Variants in CD248 observed in about 807,000 individuals in gnomAD.
CD248 encodes the protein CD248 molecule.
CD248 carries 7 observed loss-of-function variants against 8.0 expected under a neutral mutation model. That is an observed-to-expected ratio of 0.88 (90% CI 0.50 to 1.64). The LOEUF is 1.64. Among genes scored for constraint, CD248 ranks in the 40% most tolerant of loss-of-function variants. The pLI is 0.00. For missense variants in CD248, 912 were observed against 1,027.2 expected (o/e 0.89, Z 1.53); for synonymous variants, 418 against 437.1 (o/e 0.96, Z 0.54).
In CD248 at chr11:66,316,297, T is replaced by G; in HGVS notation, c.731A>C (p.His244Pro). The G allele has an allele frequency of 6.2e-7, 1 of 1,613,130 alleles. No homozygotes were observed. The highest frequency in any genetic ancestry group is 8.5e-7 in the Non-Finnish European group (1 of 1,179,758). The change falls in exon 1 of 1, where the codon CAC (histidine) becomes CCC (proline). Residue 244 changes from histidine to proline, a missense_variant. Around this residue, in one of 3 missense-constraint regions of CD248, gnomAD observed 403 missense variants for 446.2 expected, o/e 0.90. Transcript: ENST00000311330. ...GCSPDNGGCEHECVEEVDGHV... is the reference protein window; with the variant it reads ...GCSPDNGGCEPECVEEVDGHV... ...ACCATCCACCTCCTCCACACATTCG[T>G]GTTCGCAGCCCCCGTTGTCAGGGCT...
In CD248 at chr11:66,314,851, T is replaced by A; in HGVS notation, c.2177A>T (p.Tyr726Phe). Residue 726 changes from tyrosine to phenylalanine, a missense_variant, in exon 1 of 1, where the codon TAT becomes TTT. Physicochemically the swap from Tyr to Phe is conservative, Grantham distance 22 (BLOSUM62 3). Coordinates refer to ENST00000311330, the MANE Select transcript of CD248 (RefSeq NM_020404.3). This position sits in a 1 kb window ranked among gnomAD's most constrained non-coding sequence, Gnocchi z 4.0. ...GCTCCCAGCATGGATGACCCAGCGA[T>A]AGCAGTCAGTGATGCGCTTGTTGGG... ...HAPNKRITDC[Y>F]RWVIHAGSKS... The A allele has an allele frequency of 6.3e-7, 1 of 1,598,322 alleles. No homozygotes were observed. The highest frequency in any genetic ancestry group is 8.5e-7 in the Non-Finnish European group (1 of 1,173,234).
Position 66,316,994 on chromosome 11 carries a change from C to G in CD248, c.34G>C (p.Ala12Pro). Residue 12 changes from alanine (A) to proline (P), a missense_variant, in exon 1 of 1, where the codon GCA becomes CCA. By Grantham distance (27) the Ala-to-Pro change is conservative. Transcript: ENST00000311330. ...LLRLLLAWAA[A>P]GPTLGQDPWA... ...GGGTCCTGGCCCAGTGTGGGCCCTG[C>G]GGCCGCCCAGGCCAGCAACAGGCGC... The G allele has an allele frequency of 6.7e-7, 1 of 1,486,822 alleles. No individual in the cohort carries two copies. Among genetic ancestry groups the G allele is most frequent in the Admixed American group, 2.4e-5 (1 of 40,868 alleles). The allele number at this position is 1,486,822 out of a possible 1,614,324, so 92.1% of individuals were successfully genotyped here. A position where few individuals can be genotyped will look rare whatever the true frequency, so the allele number is the denominator to read the frequency against.
In CD248 at chr11:66,315,711, G is replaced by C; in HGVS notation, c.1317C>G (p.Pro439=). The change falls in exon 1 of 1, where the codon CCC becomes CCG. Residue 439 remains proline (P), a synonymous_variant. Coordinates refer to ENST00000311330, the MANE Select transcript of CD248 (RefSeq NM_020404.3). This position sits in a 1 kb window ranked among gnomAD's most constrained non-coding sequence, Gnocchi z 4.3. ...TGACGGAGAGCACTGAGGAGTGGTA[G>C]GGGACCCTGGGGGCACTGAGCGGGG... The part of the protein sequence containing the change: ...WPPPLSAPRV[P]YHSSVLSVTR... 5.0e-6 allele frequency: 8 copies of C among 1,611,778 alleles called. No homozygotes were observed. The highest frequency in any genetic ancestry group is 6.8e-6 in the Non-Finnish European group (8 of 1,178,456).
chr11:66,314,742 G>A lies in CD248; in HGVS notation c.*12C>T, dbSNP rs79764462. On this transcript the variant is annotated 3_prime_UTR_variant, in exon 1 of 1. Transcript: ENST00000311330. This position sits in a 1 kb window ranked among gnomAD's most constrained non-coding sequence, Gnocchi z 4.0. ...CAGCGCCCCATACTCCATGAGGGGG[G>A]TCTGCACCCCATCACACGCTGGTTC... 7,869 of 1,544,614 alleles carry A rather than the reference G, an allele frequency of 5.1e-3. 330 individuals are homozygous for A. The African/African-American group carries it at 0.095, about 19-fold the overall frequency.
rs1394277608 is a variant in CD248 at position 66,315,258 on chromosome 11, G to T, written c.1770C>A (p.Pro590=). The change falls in exon 1 of 1, where the codon CCC becomes CCA. Residue 590 remains proline (P), a synonymous_variant. Transcript: ENST00000311330. The surrounding 1 kb of genome is among the most constrained non-coding windows in gnomAD (Gnocchi z 4.3). ...GGGACCTGGAGGTGGTGGTCAGAGA[G>T]GGCTGGGCAGTTGGGATAATGGGAA... ...TQLPIIPTAQ[P]SLTTTSRSPV... 1 of 1,536,940 alleles carries T rather than the reference G, an allele frequency of 6.5e-7. No homozygotes were observed. The highest frequency in any genetic ancestry group is 8.8e-7 in the Non-Finnish European group (1 of 1,142,560).
rs1485742261 is a variant in CD248 at position 66,315,715 on chromosome 11, A to G, written c.1313T>C (p.Val438Ala). Residue 438 changes from valine to alanine, a missense_variant, in exon 1 of 1, where the codon GTC (valine) becomes GCC (alanine). Physicochemically the swap from Val to Ala is moderately conservative, Grantham distance 64. Transcript: ENST00000311330. This position sits in a 1 kb window ranked among gnomAD's most constrained non-coding sequence, Gnocchi z 4.3. Reference sequence around the variant, plus strand: ...GGAGAGCACTGAGGAGTGGTAGGGGACCCTGGGGGCACTGAGCGGGGGTGG... The same window carrying G: ...GGAGAGCACTGAGGAGTGGTAGGGGGCCCTGGGGGCACTGAGCGGGGGTGG... The part of the protein sequence containing the change: ...TWPPPLSAPR[V>A]PYHSSVLSVT... The G allele has an allele frequency of 1.9e-6, 3 of 1,610,924 alleles. No individual in the cohort carries two copies. Among genetic ancestry groups the G allele is most frequent in the Non-Finnish European group, 2.5e-6 (3 of 1,178,188 alleles).
chr11:66,315,235 G>A lies in CD248; in HGVS notation c.1793C>T (p.Ser598Phe). ...GATTTGATGGGCAGGAGACACAGGG[G>A]ACCTGGAGGTGGTGGTCAGAGAGGG... ...AQPSLTTTSR[S>F]PVSPAHQISV... The change falls in exon 1 of 1, where the codon TCC becomes TTC. Residue 598 changes from serine (S) to phenylalanine (F), a missense_variant. Physicochemically the swap from Ser to Phe is radical, Grantham distance 155. Around this residue, in one of 3 missense-constraint regions of CD248, gnomAD observed 507 missense variants for 562.2 expected, o/e 0.90. Transcript: ENST00000311330. The surrounding 1 kb of genome is among the most constrained non-coding windows in gnomAD (Gnocchi z 4.3). 1 of 1,529,808 alleles carries A rather than the reference G, an allele frequency of 6.5e-7. No individual in the cohort carries two copies. Among genetic ancestry groups the A allele is most frequent in the African/African-American group, 1.4e-5 (1 of 72,136 alleles). 94.8% of individuals were successfully genotyped at this position (1,529,808 alleles called of 1,614,324 possible).
In CD248 at chr11:66,314,730, T is replaced by C. The variant is rs1413253317; in HGVS notation, c.*24A>G. ...CGGCCATGTGTCCAGCGCCCCATAC[T>C]CCATGAGGGGGGTCTGCACCCCATC... On this transcript the variant is annotated 3_prime_UTR_variant, in exon 1 of 1. Coordinates refer to ENST00000311330, the MANE Select transcript of CD248 (RefSeq NM_020404.3). The surrounding 1 kb of genome is among the most constrained non-coding windows in gnomAD (Gnocchi z 4.0). The C allele has an allele frequency of 1.5e-5, 23 of 1,534,690 alleles. No homozygotes were observed. The highest frequency in any genetic ancestry group is 1.9e-5 in the Non-Finnish European group (22 of 1,136,828).
Position 66,316,660 on chromosome 11 carries a change from C to A in CD248, c.368G>T (p.Gly123Val), listed in dbSNP as rs1296306817. The change falls in exon 1 of 1, where the codon GGA becomes GTA. Residue 123 changes from glycine (G) to valine (V), a missense_variant. By Grantham distance (109) the Gly-to-Val change is moderately radical. Coordinates refer to ENST00000311330, the MANE Select transcript of CD248 (RefSeq NM_020404.3). ...ACAGCGCTGGGCCGGGCAGGGGCCT[C>A]CAGAGGCTGGCTGGGCCCAGTTGGT... The part of the protein sequence containing the change: ...AFTNWAQPAS[G>V]GPCPAQRCVA... The A allele has an allele frequency of 6.2e-7, 1 of 1,606,262 alleles. No individual in the cohort carries two copies. The highest frequency in any genetic ancestry group is 1.7e-5 in the Admixed American group (1 of 59,982).
chr11:66,316,266 C>T lies in CD248; in HGVS notation c.762G>A (p.Val254=). ...GGAAGCCCTCAGTGCAGCGGCAGGA[C>T]ACGTGACCATCCACCTCCTCCACAC... ...HECVEEVDGH[V]SCRCTEGFRL... The change falls in exon 1 of 1, where the codon GTG becomes GTA. Residue 254 remains valine, a synonymous_variant. Transcript: ENST00000311330. The T allele has an allele frequency of 6.2e-7, 1 of 1,613,542 alleles. No homozygotes were observed. Among genetic ancestry groups the T allele is most frequent in the African/African-American group, 1.3e-5 (1 of 75,048 alleles).
rs1359954574 is a variant in CD248, at chr11:66,315,735, G to T, written c.1293C>A (p.Pro431=). The T allele has an allele frequency of 1.2e-6, 2 of 1,610,836 alleles. No homozygotes were observed. The highest frequency in any genetic ancestry group is 1.7e-5 in the Admixed American group (1 of 59,912). Residue 431 remains proline, a synonymous_variant, in exon 1 of 1, where the codon CCC becomes CCA. Coordinates refer to ENST00000311330, the MANE Select transcript of CD248 (RefSeq NM_020404.3). The surrounding 1 kb of genome is among the most constrained non-coding windows in gnomAD (Gnocchi z 4.3). ...AGGGGACCCTGGGGGCACTGAGCGG[G>T]GGTGGCCAGGTGGGCTCCGGGTAGG... ...QIPYPEPTWP[P]PLSAPRVPYH...
rs776431578 is a variant in CD248 at position 66,316,389 on chromosome 11, G to A, written c.639C>T (p.Cys213=). Residue 213 remains cysteine, a synonymous_variant, in exon 1 of 1, where the codon TGC becomes TGT. Coordinates refer to ENST00000311330, the MANE Select transcript of CD248 (RefSeq NM_020404.3). ...CCACACCTCCCTCAGGCTGCTTCAC[G>A]CAGAGCAGAGAGGCTCCCCTGCCAG... ...CQAGRGASLL[C]VKQPEGGVGW... The A allele has an allele frequency of 1.6e-5, 26 of 1,609,404 alleles. No individual in the cohort carries two copies. In the Admixed American group the frequency reaches 3.8e-4, roughly 24 times the overall value.
Position 66,315,569 on chromosome 11 carries a change from C to T in CD248, c.1459G>A (p.Ala487Thr). The stretch of plus-strand genomic sequence containing the variant: ...GCAGAAGGCAGATCTGGATAGTTGG[C>T]TGCGATCACGGGGATCTGGTGGTCA... ...SRDHQIPVIA[A>T]NYPDLPSAYQ... The change falls in exon 1 of 1, where the codon GCC becomes ACC. Residue 487 changes from alanine (A) to threonine (T), a missense_variant. Ala to Thr is a moderately conservative substitution (Grantham distance 58). Coordinates refer to ENST00000311330, the MANE Select transcript of CD248 (RefSeq NM_020404.3). This position sits in a 1 kb window ranked among gnomAD's most constrained non-coding sequence, Gnocchi z 4.3. 6.2e-7 allele frequency: 1 copy of T among 1,613,868 alleles called. No homozygotes were observed.
Position 66,316,680 on chromosome 11 carries a change from G to A in CD248, c.348C>T (p.Asn116=), listed in dbSNP as rs371276431. Residue 116 remains asparagine, a synonymous_variant, in exon 1 of 1, where the codon AAC becomes AAT. Coordinates refer to ENST00000311330, the MANE Select transcript of CD248 (RefSeq NM_020404.3). ...TTGDQDTAFT[N]WAQPASGGPC... is the part of the protein sequence containing the mutation. ...GGCCTCCAGAGGCTGGCTGGGCCCAGTTGGTGAAAGCCGTGTCCTGGTCCC... is the reference window on the plus strand; with the variant it reads ...GGCCTCCAGAGGCTGGCTGGGCCCAATTGGTGAAAGCCGTGTCCTGGTCCC... 8 of 1,606,876 alleles carry A rather than the reference G, an allele frequency of 5.0e-6. No homozygotes were observed. Among genetic ancestry groups the A allele is most frequent in the Middle Eastern group, 3.7e-4 (2 of 5,464 alleles).
rs1415197929 is a variant in CD248 at position 66,314,915 on chromosome 11, G to A, written c.2113C>T (p.Leu705=). 3.1e-6 allele frequency: 5 copies of A among 1,613,098 alleles called. No homozygotes were observed. Among genetic ancestry groups the A allele is most frequent in the Non-Finnish European group, 4.2e-6 (5 of 1,179,846 alleles). Residue 705 remains leucine, a synonymous_variant, in exon 1 of 1, where the codon CTG becomes TTG. Coordinates refer to ENST00000311330, the MANE Select transcript of CD248 (RefSeq NM_020404.3). The surrounding 1 kb of genome is among the most constrained non-coding windows in gnomAD (Gnocchi z 4.0). ...TCVFLVVLLA[L]GIVYCTRCGP... ...CAGCGGGTGCAGTACACGATGCCCA[G>A]TGCAAGCAGGACCACCAAAAAGACA...
Position 66,314,902 on chromosome 11 carries a change from T to C in CD248, c.2126A>G (p.Tyr709Cys), listed in dbSNP as rs1854525687. 6.2e-7 allele frequency: 1 copy of C among 1,612,716 alleles called. No individual in the cohort carries two copies. Among genetic ancestry groups the C allele is most frequent in the East Asian group, 2.2e-5 (1 of 44,834 alleles). The change falls in exon 1 of 1, where the codon TAC becomes TGC. Residue 709 changes from tyrosine (Y) to cysteine (C), a missense_variant. Coordinates refer to ENST00000311330, the MANE Select transcript of CD248 (RefSeq NM_020404.3). The surrounding 1 kb of genome is among the most constrained non-coding windows in gnomAD (Gnocchi z 4.0). ...TGCATGGGGGCCACAGCGGGTGCAGTACACGATGCCCAGTGCAAGCAGGAC... is the reference window on the plus strand; with the variant it reads ...TGCATGGGGGCCACAGCGGGTGCAGCACACGATGCCCAGTGCAAGCAGGAC... ...LVVLLALGIVYCTRCGPHAPN... is the reference protein window; with the variant it reads ...LVVLLALGIVCCTRCGPHAPN...
chr11:66,316,530 C>G lies in CD248; in HGVS notation c.498G>C (p.Ala166=). ...CGGCCTGGCCCGCCTCATCTTGCAGCGCCGGGCAGGCGCCCTCGAAGCCAA... is the reference window on the plus strand; with the variant it reads ...CGGCCTGGCCCGCCTCATCTTGCAGGGCCGGGCAGGCGCCCTCGAAGCCAA... ...CQFGFEGACP[A]LQDEAGQAGP... is the part of the protein sequence containing the mutation. The change falls in exon 1 of 1, where the codon GCG becomes GCC. Residue 166 remains alanine (A), a synonymous_variant. Transcript: ENST00000311330. 6.3e-7 allele frequency: 1 copy of G among 1,598,930 alleles called. No homozygotes were observed. The highest frequency in any genetic ancestry group is 8.5e-7 in the Non-Finnish European group (1 of 1,179,272).
rs1171354452 is a variant in CD248 at position 66,315,865 on chromosome 11, C to A, written c.1163G>T (p.Gly388Val). Reference sequence around the variant, plus strand: ...CAGGATCCCAGGCATCTCCGTCCAGCCACCGTTGAAGGCCTTCCAGGCCTC... The same window carrying A: ...CAGGATCCCAGGCATCTCCGTCCAGACACCGTTGAAGGCCTTCCAGGCCTC... The part of the protein sequence containing the change: ...EDEAWKAFNG[G>V]WTEMPGILWM... The change falls in exon 1 of 1, where the codon GGC becomes GTC. Residue 388 changes from glycine (G) to valine (V), a missense_variant. Coordinates refer to ENST00000311330, the MANE Select transcript of CD248 (RefSeq NM_020404.3). This position sits in a 1 kb window ranked among gnomAD's most constrained non-coding sequence, Gnocchi z 4.3. The A allele has an allele frequency of 3.1e-6, 5 of 1,613,970 alleles. No individual in the cohort carries two copies. The highest frequency in any genetic ancestry group is 3.4e-6 in the Non-Finnish European group (4 of 1,180,000).
chr11:66,315,167 G>T lies in CD248; in HGVS notation c.1861C>A (p.Leu621Met). The T allele has an allele frequency of 1.3e-6, 2 of 1,528,314 alleles. No homozygotes were observed. The highest frequency in any genetic ancestry group is 1.8e-6 in the Non-Finnish European group (2 of 1,140,316). 94.7% of individuals were successfully genotyped at this position (1,528,314 alleles called of 1,614,324 possible). A position where few individuals can be genotyped will look rare whatever the true frequency, so the allele number is the denominator to read the frequency against. ...ATQPAALPTL[L>M]PSQSPTNQTS... is the part of the protein sequence containing the mutation. ...TGGTTAGTGGGGCTCTGAGAGGGCA[G>T]GAGGGTGGGGAGGGCTGCGGGCTGG... is the stretch of plus-strand genomic sequence containing the variant. Residue 621 changes from leucine to methionine, a missense_variant, in exon 1 of 1, where the codon CTG becomes ATG. Coordinates refer to ENST00000311330, the MANE Select transcript of CD248 (RefSeq NM_020404.3). The surrounding 1 kb of genome is among the most constrained non-coding windows in gnomAD (Gnocchi z 4.3).
Sources: allele counts gnomAD v4.1 joint callset, GRCh38; gene constraint gnomAD v4.1.1; regional missense constraint gnomAD v4.1.1; non-coding constraint Gnocchi (gnomAD v3.1); transcripts MANE v1.5; gene names NCBI Gene and HGNC (gene_info 2026-07-23, HGNC 2026-07-21).